The following TRAPPC9 variants were observed in gnomAD, a reference collection of about 807,000 sequenced individuals.
TRAPPC9 encodes the protein trafficking protein particle complex subunit 9, also known as IKK2 binding protein.
Under a neutral mutation model 124.0 loss-of-function variants are expected in TRAPPC9, and 83 were observed. That is an observed-to-expected ratio of 0.67 (90% CI 0.56 to 0.80). TRAPPC9 has a LOEUF of 0.80. Among genes scored for constraint, TRAPPC9 ranks in the 30% least tolerant of loss-of-function variants. The pLI, the probability that TRAPPC9 is intolerant of heterozygous loss-of-function variation, is 0.00. For synonymous variants in TRAPPC9, 638 were observed against 617.5 expected, an observed-to-expected ratio of 1.03 and a Z score of -0.49; for missense variants, 1,302 against 1,508.3, an observed-to-expected ratio of 0.86 and a Z score of 2.27.
intron 15 of TRAPPC9, among the ~76,000 whole-genome samples, chr8:140,258,849 G>C (rs1208851159): frequency 1.3e-5 from 2 of 152,200 alleles, no homozygotes; most frequent in African/African-American, 4.8e-5. Context: ...TTCTTTAAAT[G>C]GCCTATCCCA....
chr8:139,988,393 C>T (rs1173600236), intron 19 of TRAPPC9, among the ~76,000 whole-genome samples: 1 of 152,086 alleles, frequency 6.6e-6, no homozygotes, highest in Non-Finnish European at 1.5e-5. Context: ...GGATTACAGG[C>T]GTGAGCCACC....
At chr8:140,282,364 G>A (rs1009170986) in intron 14 of TRAPPC9, among the ~76,000 whole-genome samples, 20 of 152,028 alleles carry the variant, frequency 1.3e-4, no homozygotes, top group South Asian at 4.2e-4. Flanking sequence ...TTAGCTGGGC[G>A]TGGTGGCGGG....
At chr8:140,176,073 T>C (rs1440091063) in intron 17 of TRAPPC9, among the ~76,000 whole-genome samples, 2 of 152,190 alleles carry the variant, frequency 1.3e-5, no homozygotes, top group African/African-American at 2.4e-5. Context: ...CAAAGGAAAA[T>C]ACAGGGCCAC....
chr8:139,890,140 G>A (rs1587110794), intron 20 of TRAPPC9, among the ~76,000 whole-genome samples: 3 of 152,228 alleles, frequency 2.0e-5, no homozygotes, highest in East Asian at 1.9e-4. Flanking sequence ...AAGCGAATCC[G>A]ACTCTCCCTC....
In TRAPPC9 at chr8:139,742,337, C is replaced by A. The variant is rs1818619356; in HGVS notation, c.3056-10135G>T. Among the ~76,000 whole-genome samples, 1 of 152,250 alleles carries A rather than the reference C, an allele frequency of 6.6e-6. No individual in the cohort carries two copies. Among genetic ancestry groups the A allele is most frequent in the Non-Finnish European group, 1.5e-5 (1 of 68,048 alleles). On this transcript the variant is annotated intron_variant, in intron 21 of 22. Transcript: ENST00000438773. This position sits in a 1 kb window ranked among gnomAD's most constrained non-coding sequence, Gnocchi z 4.7. Reference sequence around the variant, plus strand: ...GCTTCGCCCCACCAGCCTGGGACAGCTGTTTGGAATGGCCCTTCTGTGCAG... The same window carrying A: ...GCTTCGCCCCACCAGCCTGGGACAGATGTTTGGAATGGCCCTTCTGTGCAG...
intron 1 of TRAPPC9, chr8:140,456,834 C>T: frequency 2.0e-6 from 2 of 985,372 alleles, no homozygotes; most frequent in Non-Finnish European, 2.4e-6. Flanking sequence ...GTTTTAATTC[C>T]TCTCTCTATA....
rs1817731918 is a variant in TRAPPC9 at position 139,730,180 on chromosome 8, G to T, written c.*881C>A. Among the ~76,000 whole-genome samples the T allele has an allele frequency of 6.6e-6, 1 of 152,172 alleles. No individual in the cohort carries two copies. The highest frequency in any genetic ancestry group is 2.4e-5 in the African/African-American group (1 of 41,450). ...TCCACCTCCCAGACAAGCTGCTGGT[G>T]ACCAGATTCCTGTCTCAGCGTTTGC... On this transcript the variant is annotated 3_prime_UTR_variant, in exon 23 of 23. Coordinates refer to ENST00000438773, the MANE Select transcript of TRAPPC9 (RefSeq NM_001160372.4).
intron 2 of TRAPPC9, among the ~76,000 whole-genome samples, chr8:140,444,080 C>T (rs1466646909): frequency 1.4e-5 from 2 of 144,088 alleles, no homozygotes; most frequent in African/African-American, 5.2e-5. Context: ...GGCATGGTGG[C>T]ACACACCTGT....
chr8:139,855,320 G>A (rs1455709727), intron 21 of TRAPPC9, among the ~76,000 whole-genome samples: 1 of 152,158 alleles, frequency 6.6e-6, no homozygotes, highest in East Asian at 1.9e-4. Flanking sequence ...AGAATCCCAC[G>A]CTGCTCCCAC....
chr8:140,300,236 T>TGCAC (rs2065928720), intron 11 of TRAPPC9, among the ~76,000 whole-genome samples: 1 of 148,806 alleles, frequency 6.7e-6, no homozygotes, highest in Admixed American at 6.6e-5. Flanking sequence ...CACATATGCA[T>TGCAC]GCACGCACGC....
chr8:140,218,525 C>A (rs556469949), intron 17 of TRAPPC9, among the ~76,000 whole-genome samples: 1 of 152,078 alleles, frequency 6.6e-6, no homozygotes, highest in Middle Eastern at 3.4e-3. Context: ...GCCCCTGCTA[C>A]TCCCAACTCC....
chr8:140,137,712 C>G lies in TRAPPC9; in HGVS notation c.2556+83747G>C, dbSNP rs1290419121. ...GCATCTGATTCACGCTTCAGTATTT[C>G]GTTTACAATCCTACGTAGTAGATAT... is the stretch of plus-strand genomic sequence containing the variant. On this transcript the variant is annotated intron_variant, in intron 17 of 22. Coordinates refer to ENST00000438773, the MANE Select transcript of TRAPPC9 (RefSeq NM_001160372.4). Among the ~76,000 whole-genome samples, 10 of 152,192 alleles carry G rather than the reference C, an allele frequency of 6.6e-5. No individual in the cohort carries two copies. In the East Asian group the frequency reaches 1.9e-3, roughly 29 times the overall value.
At chr8:139,973,619 G>T (rs891923889) in intron 19 of TRAPPC9, among the ~76,000 whole-genome samples, 7 of 152,206 alleles carry the variant, frequency 4.6e-5, no homozygotes, top group African/African-American at 1.7e-4. Flanking sequence ...GGAAAACGAC[G>T]AATGAACAAA....
chr8:139,931,259 C>T (rs2233230), intron 19 of TRAPPC9: 96,580 of 152,134 alleles, frequency 0.63, 32,898 homozygotes, highest in African/African-American at 0.91. Flanking sequence ...CGAGCATACA[C>T]GTAATCCTCA....
At chr8:140,346,449 A>T (rs1337146893) in intron 9 of TRAPPC9, among the ~76,000 whole-genome samples, 1 of 152,208 alleles carries the variant, frequency 6.6e-6, no homozygotes, top group Admixed American at 6.5e-5. Context: ...TACTCCTAGA[A>T]CCCGTCAAAC....
At chr8:140,166,231 T>C (rs536230916) in intron 17 of TRAPPC9, among the ~76,000 whole-genome samples, 11 of 152,342 alleles carry the variant, frequency 7.2e-5, no homozygotes, top group African/African-American at 2.4e-4. Flanking sequence ...GCAGCCTGGC[T>C]GGGCATCAGC....
intron 15 of TRAPPC9, among the ~76,000 whole-genome samples, chr8:140,272,578 TGGCTAATTTACAG>T (rs1379325385): frequency 6.6e-6 from 1 of 151,814 alleles, no homozygotes; most frequent in African/African-American, 2.4e-5. Context: ...TACCTGAGGC[TGGCTAATTTACAG>T]GGAGAAGAGG....
In TRAPPC9 at chr8:140,300,590, AG is replaced by A; in HGVS notation, c.1646del (p.Pro549LeufsTer9). On this transcript the variant is annotated frameshift_variant, in exon 11 of 23. Transcript: ENST00000438773. LOFTEE classifies it high-confidence loss of function. Reference protein sequence around the residue: ...IVRHVKLLNLPASLRPHKMKS... With the variant: ...IVRHVKLLNLXASLRPHKMKS... ...TCATTTTGTGTGGCCGGAGGCTAGC[AG>A]GAAGGTTCAATAGTTTCACATGCCT... The A allele has an allele frequency of 6.2e-7, 1 of 1,614,260 alleles. No homozygotes were observed. Among genetic ancestry groups the A allele is most frequent in the Non-Finnish European group, 8.5e-7 (1 of 1,180,048 alleles).
chr8:139,940,962 C>T (rs1833876972), intron 19 of TRAPPC9, among the ~76,000 whole-genome samples: 1 of 152,236 alleles, frequency 6.6e-6, no homozygotes, highest in Admixed American at 6.5e-5. Context: ...ATAAGCCGGG[C>T]ACCCACAGCA....
Sources: allele counts gnomAD v4.1 joint callset (sites outside exome capture counted in the v4.1 genomes callset), GRCh38; gene constraint gnomAD v4.1.1; non-coding constraint Gnocchi (gnomAD v3.1); transcripts MANE v1.5; gene names NCBI Gene and HGNC (gene_info 2026-07-23, HGNC 2026-07-21).